The following GJD3 variants were observed in gnomAD, a reference collection of about 807,000 sequenced individuals.
The protein encoded by GJD3 is gap junction delta-3 protein.
For synonymous variants in GJD3, 217 were observed against 226.7 expected, an observed-to-expected ratio of 0.96 and a Z score of 0.38; for missense variants, 421 against 448.5, an observed-to-expected ratio of 0.94 and a Z score of 0.55.
Position 40,363,207 on chromosome 17 carries a change from C to G in GJD3, c.609G>C (p.Leu203=). ...FYFAVGLLSA[L]LSVAELGHLL... ...GGTGGCCCAGCTCGGCTACGCTGAG[C>G]AGCGCCGACAGCAGCCCCACCGCGA... The change falls in exon 1 of 1, where the codon CTG becomes CTC. Residue 203 remains leucine (L), a synonymous_variant. Transcript: ENST00000578689. This position sits in a 1 kb window ranked among gnomAD's most constrained non-coding sequence, Gnocchi z 5.5. 1 of 1,447,254 alleles carries G rather than the reference C, an allele frequency of 6.9e-7. No individual in the cohort carries two copies. The highest frequency in any genetic ancestry group is 9.1e-7 in the Non-Finnish European group (1 of 1,098,638). 89.7% of individuals were successfully genotyped at this position (1,447,254 alleles called of 1,614,324 possible).
rs2034778036 is a variant in GJD3 at position 40,363,883 on chromosome 17, C to T, written c.-68G>A. The T allele has an allele frequency of 6.7e-7, 1 of 1,491,864 alleles. No homozygotes were observed. Among genetic ancestry groups the T allele is most frequent in the South Asian group, 1.4e-5 (1 of 73,504 alleles). The allele number at this position is 1,491,864 out of a possible 1,614,324, so 92.4% of individuals were successfully genotyped here. A position where few individuals can be genotyped will look rare whatever the true frequency, so the allele number is the denominator to read the frequency against. On this transcript the variant is annotated 5_prime_UTR_variant, in exon 1 of 1. Transcript: ENST00000578689. The surrounding 1 kb of genome is among the most constrained non-coding windows in gnomAD (Gnocchi z 5.5). ...TCAGGGACCCCTGCCCCTTCCAAGC[C>T]TATCGGGGTGGGGTCCGTTGGACCT...
At position 40,362,656 on chromosome 17, in the gene GJD3, TG is replaced by T. The variant is rs2034762347; in HGVS notation, c.*274del. Among the ~76,000 whole-genome samples, 2 of 152,258 alleles carry T rather than the reference TG, an allele frequency of 1.3e-5. No individual in the cohort carries two copies. Among genetic ancestry groups the T allele is most frequent in the African/African-American group, 4.8e-5 (2 of 41,480 alleles). ...TCGGGTCCACTCTCTCTCAGGGTCC[TG>T]GTCTCCTTCCTTTCCACCTGGGTGG... On this transcript the variant is annotated 3_prime_UTR_variant, in exon 1 of 1. Transcript: ENST00000578689.
Position 40,363,163 on chromosome 17 carries a change from G to C in GJD3, c.653C>G (p.Pro218Arg). 7.0e-7 allele frequency: 1 copy of C among 1,422,668 alleles called. No individual in the cohort carries two copies. 88.1% of individuals were successfully genotyped at this position (1,422,668 alleles called of 1,614,324 possible). ...GCGGTTGTCACGCTCCCCGGCGCGC[G>C]GGCGGCCCTTCCAGAGCAGGTGGCC... ...ELGHLLWKGR[P>R]RAGERDNRCN... Residue 218 changes from proline to arginine, a missense_variant, in exon 1 of 1, where the codon CCG becomes CGG. Physicochemically the swap from Pro to Arg is moderately radical, Grantham distance 103 (BLOSUM62 -2). Coordinates refer to ENST00000578689, the MANE Select transcript of GJD3 (RefSeq NM_152219.4). This position sits in a 1 kb window ranked among gnomAD's most constrained non-coding sequence, Gnocchi z 5.5.
Position 40,363,660 on chromosome 17 carries a change from G to A in GJD3, c.156C>T (p.Phe52=), listed in dbSNP as rs1167462367. ...AGCCCGGCTGCAGCGTGTTGCACACGAACTCCTCTTGCTCGTCCTCGAACA... is the reference window on the plus strand; with the variant it reads ...AGCCCGGCTGCAGCGTGTTGCACACAAACTCCTCTTGCTCGTCCTCGAACA... ...GAVFEDEQEE[F]VCNTLQPGCR... The change falls in exon 1 of 1, where the codon TTC becomes TTT. Residue 52 remains phenylalanine, a synonymous_variant. Transcript: ENST00000578689. This position sits in a 1 kb window ranked among gnomAD's most constrained non-coding sequence, Gnocchi z 5.5. 1 of 1,608,442 alleles carries A rather than the reference G, an allele frequency of 6.2e-7. No individual in the cohort carries two copies. The highest frequency in any genetic ancestry group is 8.5e-7 in the Non-Finnish European group (1 of 1,178,294).
chr17:40,361,066 T>C lies in GJD3; in HGVS notation c.*1865A>G, dbSNP rs1371986578. 9 of 455,324 alleles carry C rather than the reference T, an allele frequency of 2.0e-5. No homozygotes were observed. Among genetic ancestry groups the C allele is most frequent in the Non-Finnish European group, 2.7e-5 (6 of 226,408 alleles). 28.2% of individuals were successfully genotyped at this position (455,324 alleles called of 1,614,324 possible). A position where few individuals can be genotyped will look rare whatever the true frequency, so the allele number is the denominator to read the frequency against. ...CGGAAGCGAGGGGCATCCAGCTCTG[T>C]CTTGGGGTGGGGGCTACCAGGGGAG... On this transcript the variant is annotated 3_prime_UTR_variant, in exon 1 of 1. Transcript: ENST00000578689.
chr17:40,362,911 G>A lies in GJD3; in HGVS notation c.*20C>T. On this transcript the variant is annotated 3_prime_UTR_variant, in exon 1 of 1. Coordinates refer to ENST00000578689, the MANE Select transcript of GJD3 (RefSeq NM_152219.4). ...GGGTCCGGCCCTCGCCGTCCAGTCCGCGCGAGGCGGTGCCCGCCCCTAGAT... is the reference window on the plus strand; with the variant it reads ...GGGTCCGGCCCTCGCCGTCCAGTCCACGCGAGGCGGTGCCCGCCCCTAGAT... The A allele has an allele frequency of 7.5e-6, 9 of 1,207,170 alleles. No individual in the cohort carries two copies. Among genetic ancestry groups the A allele is most frequent in the Non-Finnish European group, 9.3e-6 (9 of 970,318 alleles). The allele number at this position is 1,207,170 out of a possible 1,614,324, so 74.8% of individuals were successfully genotyped here.
chr17:40,363,795 C>A lies in GJD3; in HGVS notation c.21G>T (p.Leu7=). 1 of 1,605,896 alleles carries A rather than the reference C, an allele frequency of 6.2e-7. No homozygotes were observed. Among genetic ancestry groups the A allele is most frequent in the Non-Finnish European group, 8.5e-7 (1 of 1,176,562 alleles). Reference sequence around the variant, plus strand: ...GCTGCACGGCGTCCAGCAGCGAGCCCAGGAACGCCCACTCCCCCATGGCGC... The same window carrying A: ...GCTGCACGGCGTCCAGCAGCGAGCCAAGGAACGCCCACTCCCCCATGGCGC... MGEWAF[L]GSLLDAVQLQ... Residue 7 remains leucine, a synonymous_variant, in exon 1 of 1, where the codon CTG becomes CTT. Coordinates refer to ENST00000578689, the MANE Select transcript of GJD3 (RefSeq NM_152219.4). The surrounding 1 kb of genome is among the most constrained non-coding windows in gnomAD (Gnocchi z 5.5).
At position 40,363,394 on chromosome 17, in the gene GJD3, G is replaced by C; in HGVS notation, c.422C>G (p.Ala141Gly). The C allele has an allele frequency of 7.2e-7, 1 of 1,380,744 alleles. No individual in the cohort carries two copies. The highest frequency in any genetic ancestry group is 3.2e-5 in the Admixed American group (1 of 30,914). The allele number at this position is 1,380,744 out of a possible 1,614,324, so 85.5% of individuals were successfully genotyped here. A position where few individuals can be genotyped will look rare whatever the true frequency, so the allele number is the denominator to read the frequency against. ...GGTCAGCTCGGCCAGCAGGCGCAGC[G>C]CCACGCTCAGCAGGTAGCAGCGGCG... is the stretch of plus-strand genomic sequence containing the variant. ...RARRCYLLSVALRLLAELTFL... is the reference protein window; with the variant it reads ...RARRCYLLSVGLRLLAELTFL... The change falls in exon 1 of 1, where the codon GCG becomes GGG. Residue 141 changes from alanine (A) to glycine (G), a missense_variant. Transcript: ENST00000578689. The surrounding 1 kb of genome is among the most constrained non-coding windows in gnomAD (Gnocchi z 5.5).
In GJD3 at chr17:40,361,154, T is replaced by C; in HGVS notation, c.*1777A>G. On this transcript the variant is annotated 3_prime_UTR_variant, in exon 1 of 1. Transcript: ENST00000578689. ...CAACAATAGGTGGGTGGGCATTAGC[T>C]AGGGGAGGAGAAGGCTGCAGGAAGC... is the stretch of plus-strand genomic sequence containing the variant. 2.5e-6 allele frequency: 1 copy of C among 392,230 alleles called. No homozygotes were observed. Among genetic ancestry groups the C allele is most frequent in the East Asian group, 7.9e-5 (1 of 12,712 alleles). 24.3% of individuals were successfully genotyped at this position (392,230 alleles called of 1,614,324 possible). A position where few individuals can be genotyped will look rare whatever the true frequency, so the allele number is the denominator to read the frequency against.
chr17:40,361,220 T>C lies in GJD3; in HGVS notation c.*1711A>G, dbSNP rs1470048176. 1 of 348,718 alleles carries C rather than the reference T, an allele frequency of 2.9e-6. No homozygotes were observed. The highest frequency in any genetic ancestry group is 5.6e-6 in the Non-Finnish European group (1 of 177,766). 21.6% of individuals were successfully genotyped at this position (348,718 alleles called of 1,614,324 possible). ...CAAAGGAACAGCACGTTCAAACGCT[T>C]GGCAGCAAGCAGGTCTGGTGCTTGT... On this transcript the variant is annotated 3_prime_UTR_variant, in exon 1 of 1. Transcript: ENST00000578689.
rs1182760400 is a variant in GJD3, at chr17:40,363,192, C to T, written c.624G>A (p.Glu208=). The T allele has an allele frequency of 5.5e-6, 8 of 1,445,642 alleles. No individual in the cohort carries two copies. The highest frequency in any genetic ancestry group is 2.4e-5 in the Admixed American group (1 of 41,408). 89.6% of individuals were successfully genotyped at this position (1,445,642 alleles called of 1,614,324 possible). Residue 208 remains glutamate (E), a synonymous_variant, in exon 1 of 1, where the codon GAG becomes GAA. Transcript: ENST00000578689. This position sits in a 1 kb window ranked among gnomAD's most constrained non-coding sequence, Gnocchi z 5.5. The part of the protein sequence containing the change: ...GLLSALLSVA[E]LGHLLWKGRP... Reference sequence around the variant, plus strand: ...GGCCCTTCCAGAGCAGGTGGCCCAGCTCGGCTACGCTGAGCAGCGCCGACA... The same window carrying T: ...GGCCCTTCCAGAGCAGGTGGCCCAGTTCGGCTACGCTGAGCAGCGCCGACA...
Position 40,360,891 on chromosome 17 carries a change from C to T in GJD3, c.*2040G>A, listed in dbSNP as rs908752366. The T allele has an allele frequency of 2.4e-6, 1 of 410,970 alleles. No homozygotes were observed. Among genetic ancestry groups the T allele is most frequent in the African/African-American group, 2.1e-5 (1 of 48,660 alleles). The allele number at this position is 410,970 out of a possible 1,614,324, so 25.5% of individuals were successfully genotyped here. On this transcript the variant is annotated 3_prime_UTR_variant, in exon 1 of 1. Transcript: ENST00000578689. Reference sequence around the variant, plus strand: ...GAACTGTCATCAGAGAGATGGTGCCCACCATAGCATGGATAGTGTTCGGGC... The same window carrying T: ...GAACTGTCATCAGAGAGATGGTGCCTACCATAGCATGGATAGTGTTCGGGC...
rs950922458 is a variant in GJD3, at chr17:40,361,740, G to C, written c.*1191C>G. 2.6e-5 allele frequency among the ~76,000 whole-genome samples: 4 copies of C among 152,166 alleles called. No homozygotes were observed. Among genetic ancestry groups the C allele is most frequent in the Admixed American group, 2.6e-4 (4 of 15,286 alleles). On this transcript the variant is annotated 3_prime_UTR_variant, in exon 1 of 1. Coordinates refer to ENST00000578689, the MANE Select transcript of GJD3 (RefSeq NM_152219.4). The stretch of plus-strand genomic sequence containing the variant: ...TGGAAGGGAAGGCAGGGCCGGGAGC[G>C]CGTGTGTTTTGGGAGCTTTCTCCTG...
In GJD3 at chr17:40,360,875, T is replaced by A. The variant is rs1351808751; in HGVS notation, c.*2056A>T. On this transcript the variant is annotated 3_prime_UTR_variant, in exon 1 of 1. Transcript: ENST00000578689. ...CTGGGTTGTGGACACAGAACTGTCATCAGAGAGATGGTGCCCACCATAGCA... is the reference window on the plus strand; with the variant it reads ...CTGGGTTGTGGACACAGAACTGTCAACAGAGAGATGGTGCCCACCATAGCA... 5.8e-5 allele frequency: 23 copies of A among 398,614 alleles called. No individual in the cohort carries two copies. Among genetic ancestry groups the A allele is most frequent in the Non-Finnish European group, 1.1e-4 (21 of 199,466 alleles). The allele number at this position is 398,614 out of a possible 1,614,324, so 24.7% of individuals were successfully genotyped here.
chr17:40,363,087 C>T lies in GJD3; in HGVS notation c.729G>A (p.Pro243=), dbSNP rs1251139136. 4.2e-6 allele frequency: 5 copies of T among 1,189,258 alleles called. No homozygotes were observed. Among genetic ancestry groups the T allele is most frequent in the South Asian group, 3.1e-5 (1 of 31,862 alleles). The allele number at this position is 1,189,258 out of a possible 1,614,324, so 73.7% of individuals were successfully genotyped here. The change falls in exon 1 of 1, where the codon CCG becomes CCA. Residue 243 remains proline, a synonymous_variant. Coordinates refer to ENST00000578689, the MANE Select transcript of GJD3 (RefSeq NM_152219.4). This position sits in a 1 kb window ranked among gnomAD's most constrained non-coding sequence, Gnocchi z 5.5. ...EAQKLLPPPP[P]PPPPPALPSR... is the part of the protein sequence containing the mutation. ...AGGGCAGGGCCGGTGGCGGAGGTGG[C>T]GGCGGCGGCGGCGGGAGCAGCTTCT...
In GJD3 at chr17:40,362,406, G is replaced by A. The variant is rs913164656; in HGVS notation, c.*525C>T. Among the ~76,000 whole-genome samples the A allele has an allele frequency of 7.9e-5, 12 of 151,998 alleles. No homozygotes were observed. The highest frequency in any genetic ancestry group is 2.9e-4 in the African/African-American group (12 of 41,380). On this transcript the variant is annotated 3_prime_UTR_variant, in exon 1 of 1. Coordinates refer to ENST00000578689, the MANE Select transcript of GJD3 (RefSeq NM_152219.4). ...GTCTGTGTGCACAAGTGGGCCTCAC[G>A]CAGGGTGTACACATGCGCGCACATG...
chr17:40,361,027 A>G lies in GJD3; in HGVS notation c.*1904T>C, dbSNP rs2034747710. ...AGAGAGCAATGCCATCCTGCAGGAGAAGTGCTTTCCCTACGGAAGCGAGGG... is the reference window on the plus strand; with the variant it reads ...AGAGAGCAATGCCATCCTGCAGGAGGAGTGCTTTCCCTACGGAAGCGAGGG... On this transcript the variant is annotated 3_prime_UTR_variant, in exon 1 of 1. Coordinates refer to ENST00000578689, the MANE Select transcript of GJD3 (RefSeq NM_152219.4). 1 of 456,446 alleles carries G rather than the reference A, an allele frequency of 2.2e-6. No individual in the cohort carries two copies. The highest frequency in any genetic ancestry group is 2.4e-5 in the Admixed American group (1 of 42,542). The allele number at this position is 456,446 out of a possible 1,614,324, so 28.3% of individuals were successfully genotyped here.
In GJD3 at chr17:40,361,869, C is replaced by T. The variant is rs1394868404; in HGVS notation, c.*1062G>A. 5.1e-5 allele frequency among the ~76,000 whole-genome samples: 4 copies of T among 78,922 alleles called. No individual in the cohort carries two copies. In the East Asian group the frequency reaches 1.6e-3, roughly 31 times the overall value. The allele number at this position is 78,922 out of a possible 152,430, so 51.8% of individuals were successfully genotyped here. On this transcript the variant is annotated 3_prime_UTR_variant, in exon 1 of 1. Transcript: ENST00000578689. ...AACACACGTCTGGGTTGCCCTCTGG[C>T]CCGCCGCCCACCCCCACCCCACCTC...
rs143716047 is a variant in GJD3 at position 40,361,000 on chromosome 17, G to A, written c.*1931C>T. The A allele has an allele frequency of 2.5e-4, 113 of 456,670 alleles. 1 individual carries two copies. The highest frequency in any genetic ancestry group is 4.0e-4 in the Admixed American group (17 of 42,568). The allele number at this position is 456,670 out of a possible 1,614,324, so 28.3% of individuals were successfully genotyped here. On this transcript the variant is annotated 3_prime_UTR_variant, in exon 1 of 1. Coordinates refer to ENST00000578689, the MANE Select transcript of GJD3 (RefSeq NM_152219.4). ...AGCACATACTACGTGCCATGGAAGG[G>A]GAGAGAGCAATGCCATCCTGCAGGA...
Sources: gnomAD v4.1 joint callset for allele counts (sites outside exome capture counted in the v4.1 genomes callset) on GRCh38, gnomAD v4.1.1 for gene constraint, Gnocchi (gnomAD v3.1) non-coding constraint, MANE v1.5 for transcripts, NCBI Gene and HGNC (gene_info 2026-07-23, HGNC 2026-07-21) for gene names.